KIF3C: variants seen among roughly 807,000 people sequenced by gnomAD.
KIF3C encodes the protein kinesin-like protein KIF3C.
In KIF3C, 12 loss-of-function variants were observed where a neutral mutation model predicts 67.7. That is an observed-to-expected ratio of 0.18 (90% CI 0.11 to 0.29). The LOEUF (loss-of-function observed/expected upper bound fraction) is 0.29, where lower values mean the gene tolerates loss of function less well. Among genes scored for constraint, KIF3C ranks in the 10% least tolerant of loss-of-function variants. KIF3C has a pLI of 1.00. For missense variants in KIF3C, 789 were observed against 1,059.6 expected (o/e 0.74, Z 3.55); for synonymous variants, 393 against 426.2 (o/e 0.92, Z 0.96).
At chr2:25,963,293 G>A (rs537080237) in intron 1 of KIF3C, among the ~76,000 whole-genome samples, 51 of 130,882 alleles carry the variant, frequency 3.9e-4, no homozygotes, top group South Asian at 2.1e-3. Context: ...GAAACCTCCC[G>A]CCTCCCAGGT....
intron 6 of KIF3C, 150 bp from the exon 7 acceptor site, chr2:25,929,627 TTC>T (rs2090441334): frequency 1.6e-6 from 1 of 638,682 alleles, no homozygotes; most frequent in Non-Finnish European, 2.7e-6. Flanking sequence ...TTTTTTTTTT[TTC>T]TTCTGAGATG....
At chr2:25,960,149 G>T (rs1663908930) in intron 1 of KIF3C, among the ~76,000 whole-genome samples, 1 of 152,054 alleles carries the variant, frequency 6.6e-6, no homozygotes, top group Admixed American at 6.6e-5. Flanking sequence ...TATGCCTGTG[G>T]TCCCCATTGT....
intron 5 of KIF3C, chr2:25,938,122 G>A (rs2149224270): frequency 3.4e-6 from 1 of 294,066 alleles, no homozygotes; most frequent in Admixed American, 4.4e-5. Context: ...CAACACTTTA[G>A]GAGGACAAGA....
At chr2:25,962,817 T>TAATATATAA (rs1254912792) in intron 1 of KIF3C, among the ~76,000 whole-genome samples, 2 of 79,748 alleles carry the variant, frequency 2.5e-5, no homozygotes, top group African/African-American at 6.2e-5. Context: ...ATAATATATA[T>TAATATATAA]AATATATAAA....
intron 5 of KIF3C, among the ~76,000 whole-genome samples, chr2:25,950,907 AAG>A (rs1242314610): frequency 2.6e-4 from 38 of 148,934 alleles, no homozygotes; most frequent in African/African-American, 9.1e-4. Context: ...AAAAAAAAAA[AAG>A]AAGAAGAAAA....
At position 25,954,336 on chromosome 2, in the gene KIF3C, T is replaced by C. The variant is rs1424983154; in HGVS notation, c.1820A>G (p.Asp607Gly). 6.2e-7 allele frequency: 1 copy of C among 1,614,104 alleles called. No individual in the cohort carries two copies. Among genetic ancestry groups the C allele is most frequent in the Non-Finnish European group, 8.5e-7 (1 of 1,180,010 alleles). ...GTCCTGCCGCACGCGGATATACTCA[T>C]CATGCTGGTCCTGGATCTCCGCCTT... ...AVKAEIQDQH[D>G]EYIRVRQDLE... The change falls in exon 4 of 8, where the codon GAT (aspartate) becomes GGT (glycine). Residue 607 changes from aspartate to glycine, a missense_variant. Physicochemically the swap from Asp to Gly is moderately conservative, Grantham distance 94. This residue lies in a region of KIF3C where 648 missense variants were observed against 807.8 expected (regional missense o/e 0.80). Coordinates refer to ENST00000264712, the MANE Select transcript of KIF3C (RefSeq NM_002254.8).
intron 5 of KIF3C, among the ~76,000 whole-genome samples, chr2:25,947,493 A>C (rs1663477294): frequency 6.6e-6 from 1 of 151,848 alleles, no homozygotes; most frequent in Admixed American, 6.6e-5. Context: ...AGGCAGGAGA[A>C]TGGCGTGAAC....
rs2090433968 is a variant in KIF3C at position 25,928,931 on chromosome 2, G to A, written c.*47C>T. 3 of 1,525,486 alleles carry A rather than the reference G, an allele frequency of 2.0e-6. No homozygotes were observed. Among genetic ancestry groups the A allele is most frequent in the Non-Finnish European group, 1.8e-6 (2 of 1,107,830 alleles). The allele number at this position is 1,525,486 out of a possible 1,614,324, so 94.5% of individuals were successfully genotyped here. On this transcript the variant is annotated 3_prime_UTR_variant, in exon 8 of 8. Coordinates refer to ENST00000264712, the MANE Select transcript of KIF3C (RefSeq NM_002254.8). ...CAGATGAGATGAGCCAGGGTTGGCT[G>A]CCCCATCCCAGGAGTCTATTGGATG...
At chr2:25,962,939 T>TATATAATAC (rs1664013964) in intron 1 of KIF3C, among the ~76,000 whole-genome samples, 3 of 38,706 alleles carry the variant, frequency 7.8e-5, no homozygotes, top group Non-Finnish European at 7.6e-5. Context: ...ATACATATAA[T>TATATAATAC]ATATAATATA....
At position 25,954,437 on chromosome 2, in the gene KIF3C, C is replaced by T. The variant is rs1307177179; in HGVS notation, c.1771-52G>A. The T allele has an allele frequency of 2.9e-6, 4 of 1,370,812 alleles. No homozygotes were observed. In the African/African-American group the frequency reaches 5.7e-5, roughly 20 times the overall value. 84.9% of individuals were successfully genotyped at this position (1,370,812 alleles called of 1,614,324 possible). A position where few individuals can be genotyped will look rare whatever the true frequency, so the allele number is the denominator to read the frequency against. The stretch of plus-strand genomic sequence containing the variant: ...GGCTGCTTGGTGTGGCAACGAGGCC[C>T]CAGTCACCCAGCCTGGGCCGCAGGG... On this transcript the variant is annotated intron_variant, in intron 3 of 7. Transcript: ENST00000264712.
At position 25,956,324 on chromosome 2, in the gene KIF3C, T is replaced by A. The variant is rs1227678592; in HGVS notation, c.1647+19A>T. On this transcript the variant is annotated intron_variant, in intron 2 of 7. Coordinates refer to ENST00000264712, the MANE Select transcript of KIF3C (RefSeq NM_002254.8). ...GCAGGCCACACTCTCCAAGGGGACC[T>A]GGCACCTGGAGGCCCTACCTGCTCG... 16 of 1,593,624 alleles carry A rather than the reference T, an allele frequency of 1.0e-5. No homozygotes were observed. Among genetic ancestry groups the A allele is most frequent in the Non-Finnish European group, 1.3e-5 (15 of 1,161,624 alleles).
chr2:25,954,299 C>CGCCT lies in KIF3C; in HGVS notation c.1853_1856dup (p.Gln620GlyfsTer37), dbSNP rs1302328927. 6.2e-7 allele frequency: 1 copy of CGCCT among 1,614,056 alleles called. No individual in the cohort carries two copies. The highest frequency in any genetic ancestry group is 8.5e-7 in the Non-Finnish European group (1 of 1,179,952). Reference sequence around the variant, plus strand: ...TGAGTTCGCGGGTCTGCTCGTTCTGCGCCTCCTCCAGGTCCTGCCGCACGC... The same window carrying CGCCT: ...TGAGTTCGCGGGTCTGCTCGTTCTGCGCCTGCCTCCTCCAGGTCCTGCCGCACGC... On this transcript the variant is annotated frameshift_variant, in exon 4 of 8. Transcript: ENST00000264712. LOFTEE classifies it high-confidence loss of function.
chr2:25,965,611 AC>A (rs1664121595), intron 1 of KIF3C, among the ~76,000 whole-genome samples: 1 of 151,368 alleles, frequency 6.6e-6, no homozygotes, highest in Admixed American at 6.6e-5. Flanking sequence ...GAGCCACCAC[AC>A]CCGACTAATT....
intron 5 of KIF3C, among the ~76,000 whole-genome samples, chr2:25,932,003 G>GTTTTTTTT (rs775155142): frequency 1.0e-5 from 1 of 96,174 alleles, no homozygotes; most frequent in Non-Finnish European, 2.1e-5. Flanking sequence ...CTTCTGTTTT[G>GTTTTTTTT]TTTTTTTTTT....
At position 25,980,862 on chromosome 2, in the gene KIF3C, G is replaced by A; in HGVS notation, c.1056C>T (p.Ser352=). ...LGPASHSYDE[S]LSTLRFANRA... is the part of the protein sequence containing the mutation. ...GGTTGGCAAAGCGCAAGGTGGAGAGGCTCTCATCGTAGCTGTGAGAAGCTG... is the reference window on the plus strand; with the variant it reads ...GGTTGGCAAAGCGCAAGGTGGAGAGACTCTCATCGTAGCTGTGAGAAGCTG... The change falls in exon 1 of 8, where the codon AGC becomes AGT. Residue 352 remains serine, a synonymous_variant. Coordinates refer to ENST00000264712, the MANE Select transcript of KIF3C (RefSeq NM_002254.8). The surrounding 1 kb of genome is among the most constrained non-coding windows in gnomAD (Gnocchi z 7.6). 1 of 1,614,160 alleles carries A rather than the reference G, an allele frequency of 6.2e-7. No individual in the cohort carries two copies. The highest frequency in any genetic ancestry group is 1.1e-5 in the South Asian group (1 of 91,082).
At position 25,950,227 on chromosome 2, in the gene KIF3C, T is replaced by C. The variant is rs190723664; in HGVS notation, c.2006+1562A>G. ...AAGACCTTTTCTTTTCTTTTCTTTTTTTTTTTTGAGACGGAGTCTTGCTCT... is the reference window on the plus strand; with the variant it reads ...AAGACCTTTTCTTTTCTTTTCTTTTCTTTTTTTGAGACGGAGTCTTGCTCT... On this transcript the variant is annotated intron_variant, in intron 5 of 7. Transcript: ENST00000264712. 4.9e-3 allele frequency among the ~76,000 whole-genome samples: 735 copies of C among 150,328 alleles called. 6 individuals are homozygous for C. The highest frequency in any genetic ancestry group is 0.017 in the African/African-American group (675 of 40,880).
chr2:25,958,811 G>C lies in KIF3C; in HGVS notation c.1546-2367C>G, dbSNP rs1197845760. ...CCCTGGGGGCCCGGTGCGGTGGCTA[G>C]CGCCTGTAATCCCGGCACTTTGGGA... On this transcript the variant is annotated intron_variant, in intron 1 of 7. Coordinates refer to ENST00000264712, the MANE Select transcript of KIF3C (RefSeq NM_002254.8). The surrounding 1 kb of genome is among the most constrained non-coding windows in gnomAD (Gnocchi z 4.5). 2.6e-5 allele frequency among the ~76,000 whole-genome samples: 4 copies of C among 151,932 alleles called. No homozygotes were observed. Among genetic ancestry groups the C allele is most frequent in the Admixed American group, 2.6e-4 (4 of 15,248 alleles).
Position 25,982,418 on chromosome 2 carries a change from T to C in KIF3C, c.-501A>G. 1 of 398,628 alleles carries C rather than the reference T, an allele frequency of 2.5e-6. No individual in the cohort carries two copies. Among genetic ancestry groups the C allele is most frequent in the Non-Finnish European group, 4.4e-6 (1 of 226,126 alleles). 24.7% of individuals were successfully genotyped at this position (398,628 alleles called of 1,614,324 possible). ...GTCCTCCCCCCAAGCTGGGGGATCA[T>C]TCATTGCAGCCAGCGCGGCTGCTGC... On this transcript the variant is annotated 5_prime_UTR_variant, in exon 1 of 8. An upstream start codon of the reference 5' UTR is lost. Transcript: ENST00000264712.
intron 4 of KIF3C, among the ~76,000 whole-genome samples, chr2:25,952,523 ATATG>A (rs1275745349): frequency 2.2e-4 from 18 of 83,638 alleles, no homozygotes; most frequent in Admixed American, 4.1e-4. Context: ...AATTGTATAT[ATATG>A]TGTGTGTGTG....
Sources: gnomAD v4.1 joint callset for allele counts (sites outside exome capture counted in the v4.1 genomes callset) on GRCh38, gnomAD v4.1.1 for gene constraint, gnomAD v4.1.1 regional missense constraint, Gnocchi (gnomAD v3.1) non-coding constraint, MANE v1.5 for transcripts, NCBI Gene and HGNC (gene_info 2026-07-23, HGNC 2026-07-21) for gene names.